Variants in ZNF44 observed in about 807,000 individuals in gnomAD.
ZNF44 encodes zinc finger protein 44, also known as gonadotropin inducible transcription repressor-2.
In ZNF44, 9 loss-of-function variants were observed where a neutral mutation model predicts 11.7. The observed-to-expected ratio is 0.77, with a 90% CI of 0.46 to 1.35. The LOEUF (loss-of-function observed/expected upper bound fraction) is 1.35. Among genes scored for constraint, ZNF44 ranks in the 40% most tolerant of loss-of-function variants. ZNF44 has a pLI of 0.00. For synonymous variants in ZNF44, 224 were observed against 242.7 expected (o/e 0.92, Z 0.72); for missense variants, 696 against 743.1 (o/e 0.94, Z 0.74).
intron 1 of ZNF44, among the ~76,000 whole-genome samples, chr19:12,289,714 G>A (rs918775146): frequency 1.7e-4 from 25 of 143,934 alleles, no homozygotes; most frequent in South Asian, 2.2e-4. Context: ...GCATGATCTC[G>A]GCTCACTGCA....
At chr19:12,286,443 G>A (rs979215507) in intron 1 of ZNF44, among the ~76,000 whole-genome samples, 2 of 151,814 alleles carry the variant, frequency 1.3e-5, no homozygotes, top group African/African-American at 2.4e-5. Context: ...AGACCAGCAT[G>A]GCCAAGATGA....
Position 12,294,680 on chromosome 19 carries a change from C to T in ZNF44, c.3+12G>A, listed in dbSNP as rs755251969. 1.1e-5 allele frequency: 17 copies of T among 1,561,374 alleles called. No homozygotes were observed. The highest frequency in any genetic ancestry group is 1.7e-4 in the Middle Eastern group (1 of 6,006). ...TCGCCCTGCCTCAGGACGCCGGGCC[C>T]CGCACACTCACCATTTCCCGGCTGT... On this transcript the variant is annotated intron_variant, in intron 1 of 3. Coordinates refer to ENST00000355684, the MANE Select transcript of ZNF44 (RefSeq NM_016264.4).
chr19:12,271,039 G>A (rs1244024736), downstream of ZNF44, among the ~76,000 whole-genome samples: 3 of 138,116 alleles, frequency 2.2e-5, no homozygotes, highest in Non-Finnish European at 4.5e-5. Context: ...CTCTACAAGT[G>A]ATGATGATGA....
chr19:12,228,985 T>A (rs1318714618), intron 3 of ZNF44, among the ~76,000 whole-genome samples: 2 of 152,224 alleles, frequency 1.3e-5, no homozygotes, highest in Non-Finnish European at 2.9e-5. Context: ...TGCTGGTAAC[T>A]CTTAAGACAG....
At chr19:12,258,461 T>C (rs962609662) in intron 5 of ZNF44, among the ~76,000 whole-genome samples, 1 of 152,032 alleles carries the variant, frequency 6.6e-6, no homozygotes, top group African/African-American at 2.4e-5. Flanking sequence ...TTGAGTCATA[T>C]TAACTAATTT....
At chr19:12,249,854 T>C in intron 7 of ZNF44, 1 of 690,076 alleles carries the variant, frequency 1.4e-6, no homozygotes, top group Non-Finnish European at 2.1e-6. Flanking sequence ...GCTAGCTGGG[T>C]TAATATTTTC....
chr19:12,294,759 A>T lies in ZNF44; in HGVS notation c.-65T>A. On this transcript the variant is annotated 5_prime_UTR_variant, in exon 1 of 4. Coordinates refer to ENST00000355684, the MANE Select transcript of ZNF44 (RefSeq NM_016264.4). ...TAGTCAGGGTAGGTCCCAGCGCGAC[A>T]AAAGCCACCACAGATGTCCCAGGGC... 5.9e-6 allele frequency: 9 copies of T among 1,529,960 alleles called. No individual in the cohort carries two copies. Among genetic ancestry groups the T allele is most frequent in the Non-Finnish European group, 7.9e-6 (9 of 1,136,568 alleles). The allele number at this position is 1,529,960 out of a possible 1,614,324, so 94.8% of individuals were successfully genotyped here.
At chr19:12,227,701 T>C (rs1599477903) in intron 3 of ZNF44, among the ~76,000 whole-genome samples, 1 of 152,244 alleles carries the variant, frequency 6.6e-6, no homozygotes, top group Non-Finnish European at 1.5e-5. Context: ...ATAACAATTA[T>C]AATTATTACT....
chr19:12,294,000 A>G (rs1346094179), intron 1 of ZNF44, among the ~76,000 whole-genome samples: 1 of 100,704 alleles, frequency 9.9e-6, no homozygotes, highest in African/African-American at 3.9e-5. Context: ...GCTTCACAGG[A>G]AGCCGCCTCC....
At chr19:12,292,996 T>A (rs575944861) in intron 1 of ZNF44, among the ~76,000 whole-genome samples, 1 of 150,906 alleles carries the variant, frequency 6.6e-6, no homozygotes, top group African/African-American at 2.4e-5. Context: ...CAGCCTCCCA[T>A]GTAGCTGGGA....
At chr19:12,280,574 A>C (rs543746571) in intron 1 of ZNF44, among the ~76,000 whole-genome samples, 1 of 152,146 alleles carries the variant, frequency 6.6e-6, no homozygotes, top group Non-Finnish European at 1.5e-5. Context: ...AATAGAAAAC[A>C]ATAATATACA....
At chr19:12,236,317 TAA>T (rs1196838190) in intron 1 of ZNF44, among the ~76,000 whole-genome samples, 1 of 152,006 alleles carries the variant, frequency 6.6e-6, no homozygotes, top group Admixed American at 6.6e-5. Context: ...TTAAAAGAAA[TAA>T]GAGGCAATCA....
intron 1 of ZNF44, chr19:12,284,440 G>A (rs868836763): frequency 7.2e-5 from 46 of 636,704 alleles, no homozygotes; most frequent in South Asian, 6.6e-4. Flanking sequence ...GGCATCCGGG[G>A]CCGGGGCCGC....
exon 8 of ZNF44, chr19:12,248,655 C>G: frequency 2.8e-5 from 36 of 1,308,626 alleles, no homozygotes; most frequent in Non-Finnish European, 3.6e-5. Context: ...TTTACTTTCA[C>G]AGAGTCTCTC....
intron 1 of ZNF44, among the ~76,000 whole-genome samples, chr19:12,291,454 T>G (rs1968001596): frequency 6.6e-6 from 1 of 152,182 alleles, no homozygotes; most frequent in Non-Finnish European, 1.5e-5. Context: ...ACCTATTACA[T>G]GGTCTCTGGG....
In ZNF44 at chr19:12,294,829, A is replaced by T. The variant is rs1968181695; in HGVS notation, c.-135T>A. ...CGGAACAGAGGTCACCAGGGTGAAG[A>T]GGCCACTAGCTCCTGGAACGTCACA... On this transcript the variant is annotated 5_prime_UTR_variant, in exon 1 of 4. Coordinates refer to ENST00000355684, the MANE Select transcript of ZNF44 (RefSeq NM_016264.4). The T allele has an allele frequency of 9.7e-7, 1 of 1,025,750 alleles. No individual in the cohort carries two copies. The highest frequency in any genetic ancestry group is 1.4e-6 in the Non-Finnish European group (1 of 734,598). The allele number at this position is 1,025,750 out of a possible 1,614,324, so 63.5% of individuals were successfully genotyped here.
intron 1 of ZNF44, chr19:12,284,307 G>A (rs375912366): frequency 2.5e-5 from 12 of 472,562 alleles, no homozygotes; most frequent in Admixed American, 2.0e-4. Context: ...AATATTAAAA[G>A]GTATAGCTTC....
At chr19:12,247,671 T>C in exon 8 of ZNF44, 1 of 1,352,914 alleles carries the variant, frequency 7.4e-7, no homozygotes, top group Non-Finnish European at 9.8e-7. Flanking sequence ...ATAAAAGGCT[T>C]TCCCACATTC....
chr19:12,253,604 G>C (rs771405427), intron 5 of ZNF44, among the ~76,000 whole-genome samples: 1 of 152,130 alleles, frequency 6.6e-6, no homozygotes, highest in Admixed American at 6.5e-5. Flanking sequence ...ACTACAAGGA[G>C]AGATACATGA....
Sources: allele counts gnomAD v4.1 joint callset (sites outside exome capture counted in the v4.1 genomes callset), GRCh38; gene constraint gnomAD v4.1.1; transcripts MANE v1.5; gene names NCBI Gene and HGNC (gene_info 2026-07-23, HGNC 2026-07-21).